The following FGGY variants were observed in gnomAD, a reference collection of about 807,000 sequenced individuals.
The protein encoded by FGGY is FGGY carbohydrate kinase domain containing, also known as FGGY carbohydrate kinase domain-containing protein.
FGGY carries 72 observed loss-of-function variants against 71.3 expected under a neutral mutation model. The ratio of observed to expected loss-of-function variants is 1.01; its 90% CI spans 0.84 to 1.23. FGGY has a LOEUF of 1.23. Ranked by LOEUF, FGGY falls within the 50% of genes most tolerant of loss-of-function variation. The pLI is 0.00. For missense variants in FGGY, 668 were observed against 682.3 expected (o/e 0.98, Z 0.23); for synonymous variants, 251 against 250.3 (o/e 1.00, Z -0.02).
At chr1:59,401,682 C>T (rs548625819) in intron 5 of FGGY, among the ~76,000 whole-genome samples, 26 of 152,330 alleles carry the variant, frequency 1.7e-4, no homozygotes, top group African/African-American at 6.3e-4. Flanking sequence ...CTTTTAACTA[C>T]TATAGTCTTG....
intron 8 of FGGY, among the ~76,000 whole-genome samples, chr1:59,605,858 G>A (rs75691626): frequency 0.07 from 10,578 of 152,070 alleles, 930 homozygotes; most frequent in African/African-American, 0.21. Flanking sequence ...ACATAGTAAG[G>A]GCTGAGTAAA....
intron 7 of FGGY, among the ~76,000 whole-genome samples, chr1:59,536,453 G>T (rs1413711779): frequency 6.6e-6 from 1 of 152,168 alleles, no homozygotes; most frequent in Non-Finnish European, 1.5e-5. Flanking sequence ...AATAGAAAAA[G>T]AAGGTATCCT....
At chr1:59,636,191 T>C (rs2096957396) in intron 10 of FGGY, among the ~76,000 whole-genome samples, 1 of 152,162 alleles carries the variant, frequency 6.6e-6, no homozygotes, top group African/African-American at 2.4e-5. Flanking sequence ...ACCTCCACCC[T>C]AGTACACATC....
At chr1:59,681,953 A>T (rs987158187) in intron 14 of FGGY, among the ~76,000 whole-genome samples, 1 of 152,234 alleles carries the variant, frequency 6.6e-6, no homozygotes, top group East Asian at 1.9e-4. Flanking sequence ...AATCATAATT[A>T]TAGTTTCCTA....
chr1:59,654,301 T>C (rs1222320664), intron 11 of FGGY, among the ~76,000 whole-genome samples: 4 of 152,198 alleles, frequency 2.6e-5, no homozygotes, highest in Admixed American at 2.6e-4. Context: ...AGAGGCTTCC[T>C]ATAAATCTTT....
intron 5 of FGGY, among the ~76,000 whole-genome samples, chr1:59,398,179 A>G (rs1383113710): frequency 1.3e-5 from 2 of 152,180 alleles, no homozygotes; most frequent in Non-Finnish European, 2.9e-5. Flanking sequence ...CACTCATGGC[A>G]GCATTTTTCT....
intron 8 of FGGY, among the ~76,000 whole-genome samples, chr1:59,590,930 TC>T (rs890314665): frequency 1.3e-5 from 2 of 152,298 alleles, no homozygotes; most frequent in Admixed American, 6.5e-5. Context: ...TGTTGGAAAT[TC>T]TGGCCAGGGC....
intron 8 of FGGY, among the ~76,000 whole-genome samples, chr1:59,591,917 A>G (rs894341524): frequency 1.3e-5 from 2 of 152,220 alleles, no homozygotes; most frequent in African/African-American, 2.4e-5. Context: ...AGCAATGGCA[A>G]CAAAAGCCAA....
intron 5 of FGGY, among the ~76,000 whole-genome samples, chr1:59,393,704 T>G (rs2060974170): frequency 6.6e-6 from 1 of 152,186 alleles, no homozygotes; most frequent in African/African-American, 2.4e-5. Context: ...AGGAAAATGA[T>G]CTCAGGGATT....
intron 6 of FGGY, among the ~76,000 whole-genome samples, chr1:59,496,387 G>A (rs967261310): frequency 3.9e-5 from 6 of 152,150 alleles, no homozygotes; most frequent in Non-Finnish European, 4.4e-5. Flanking sequence ...CAACATGAAT[G>A]GAGCTGGAGG....
intron 5 of FGGY, among the ~76,000 whole-genome samples, chr1:59,381,353 G>A (rs986533310): frequency 6.6e-5 from 10 of 152,098 alleles, no homozygotes; most frequent in Admixed American, 6.6e-5. Context: ...GCTTGATGGG[G>A]ATGGCATTGA....
At chr1:59,350,627 T>G (rs2053088216) in intron 4 of FGGY, among the ~76,000 whole-genome samples, 1 of 151,970 alleles carries the variant, frequency 6.6e-6, no homozygotes, top group Non-Finnish European at 1.5e-5. Context: ...GCTTATTTGG[T>G]GATAGGGATT....
intron 8 of FGGY, among the ~76,000 whole-genome samples, chr1:59,587,098 G>C (rs1482010703): frequency 1.3e-5 from 2 of 152,212 alleles, no homozygotes; most frequent in Non-Finnish European, 1.5e-5. Flanking sequence ...CCCTAATACT[G>C]TGCTTTTCCA....
intron 7 of FGGY, among the ~76,000 whole-genome samples, chr1:59,533,552 A>G (rs1283705712): frequency 2.7e-5 from 4 of 146,422 alleles, no homozygotes; most frequent in Non-Finnish European, 4.5e-5. Context: ...GGGGCAGGGA[A>G]CAGACAAAAA....
At chr1:59,331,658 G>T (rs1384748288) in intron 2 of FGGY, among the ~76,000 whole-genome samples, 1 of 151,974 alleles carries the variant, frequency 6.6e-6, no homozygotes, top group Non-Finnish European at 1.5e-5. Flanking sequence ...GATTTATTGG[G>T]TATTGTCTAT....
rs58004594 is a variant in FGGY at position 59,669,540 on chromosome 1, C to CTTTTTTTTTTTTTTT, written c.1417+2148_1417+2162dup. Among the ~76,000 whole-genome samples the CTTTTTTTTTTTTTTT allele has an allele frequency of 2.0e-4, 21 of 102,496 alleles. 1 individual carries two copies. The highest frequency in any genetic ancestry group is 5.6e-4 in the Admixed American group (4 of 7,144). The allele number at this position is 102,496 out of a possible 152,430, so 67.2% of individuals were successfully genotyped here. On this transcript the variant is annotated intron_variant, in intron 13 of 15. Transcript: ENST00000303721. ...CTGTGACATTCCAATTTCTAGACTT[C>CTTTTTTTTTTTTTTT]TTTTTTTTTTTTTTTTTTTTTTTTT...
At chr1:59,657,921 C>G (rs2097236643) in intron 11 of FGGY, among the ~76,000 whole-genome samples, 1 of 152,170 alleles carries the variant, frequency 6.6e-6, no homozygotes, top group African/African-American at 2.4e-5. Context: ...CTCCTCCTCT[C>G]TGATTGTGTG....
chr1:59,345,275 G>A (rs1022704704), intron 3 of FGGY, among the ~76,000 whole-genome samples: 6 of 152,172 alleles, frequency 3.9e-5, no homozygotes, highest in African/African-American at 1.2e-4. Context: ...TTTGGTAACT[G>A]CTGGGTTTCT....
rs2056640364 is a variant in FGGY at position 59,366,635 on chromosome 1, A to C, written c.466-12114A>C. ...ATTAATTATCTCTTCCTTTGTGTACATCTTTCTCTCGAAAGGACCTGGCTT... is the reference window on the plus strand; with the variant it reads ...ATTAATTATCTCTTCCTTTGTGTACCTCTTTCTCTCGAAAGGACCTGGCTT... On this transcript the variant is annotated intron_variant, in intron 4 of 15. Transcript: ENST00000303721. 2.6e-5 allele frequency among the ~76,000 whole-genome samples: 4 copies of C among 152,130 alleles called. No homozygotes were observed. In the South Asian group the frequency reaches 8.3e-4, roughly 31 times the overall value.
Sources: gnomAD v4.1 joint callset for allele counts (sites outside exome capture counted in the v4.1 genomes callset) on GRCh38, gnomAD v4.1.1 for gene constraint, MANE v1.5 for transcripts, NCBI Gene and HGNC (gene_info 2026-07-23, HGNC 2026-07-21) for gene names.